ZNF148: variants seen among roughly 807,000 people sequenced by gnomAD.
ZNF148 encodes Beta-Enolase Repressor Factor-1.
ZNF148 carries 7 observed loss-of-function variants against 67.7 expected under a neutral mutation model. The observed-to-expected ratio is 0.10, with a 90% CI of 0.06 to 0.19. ZNF148 has a LOEUF of 0.19. Among genes scored for constraint, ZNF148 ranks in the 10% least tolerant of loss-of-function variants. The pLI, the probability that ZNF148 is intolerant of heterozygous loss-of-function variation, is 1.00. For synonymous variants in ZNF148, 333 were observed against 330.7 expected, an observed-to-expected ratio of 1.01 and a Z score of -0.08; for missense variants, 583 against 947.1, an observed-to-expected ratio of 0.62 and a Z score of 5.05.
At chr3:125,291,223 T>C (rs1938993451) in intron 4 of ZNF148, among the ~76,000 whole-genome samples, 1 of 152,114 alleles carries the variant, frequency 6.6e-6, no homozygotes. Flanking sequence ...CATACCAACC[T>C]CACTGACTTA....
At chr3:125,274,232 C>T (rs1253074134) in intron 7 of ZNF148, among the ~76,000 whole-genome samples, 1 of 152,180 alleles carries the variant, frequency 6.6e-6, no homozygotes, top group Non-Finnish European at 1.5e-5. Flanking sequence ...TGGCCCTAAA[C>T]AAAATGATCA....
At chr3:125,373,079 G>C (rs1942943306) in intron 1 of ZNF148, among the ~76,000 whole-genome samples, 1 of 151,992 alleles carries the variant, frequency 6.6e-6, no homozygotes, top group African/African-American at 2.4e-5. Context: ...CAGTGCTGGT[G>C]AGGGAAAAGG....
rs35838836 is a variant in ZNF148 at position 125,329,360 on chromosome 3, AT to A, written c.-153+1797del. Among the ~76,000 whole-genome samples the A allele has an allele frequency of 4.7e-3, 434 of 92,898 alleles. 6 individuals carry two copies. Among genetic ancestry groups the A allele is most frequent in the South Asian group, 0.046 (141 of 3,090 alleles). The allele number at this position is 92,898 out of a possible 152,430, so 60.9% of individuals were successfully genotyped here. A position where few individuals can be genotyped will look rare whatever the true frequency, so the allele number is the denominator to read the frequency against. On this transcript the variant is annotated intron_variant, in intron 2 of 8. Coordinates refer to ENST00000360647, the MANE Select transcript of ZNF148 (RefSeq NM_021964.3). Reference sequence around the variant, plus strand: ...ATATATAAAATTTTACATATATAAAATTTTTTTTTTTTTTTTTTAAAGACAG... The same window carrying A: ...ATATATAAAATTTTACATATATAAAATTTTTTTTTTTTTTTTTAAAGACAG...
At chr3:125,350,422 C>T (rs888278585) in intron 1 of ZNF148, among the ~76,000 whole-genome samples, 11 of 152,214 alleles carry the variant, frequency 7.2e-5, no homozygotes, top group African/African-American at 2.4e-4. Flanking sequence ...GCCTTGGCCT[C>T]GGCCTCCCCA....
intron 1 of ZNF148, among the ~76,000 whole-genome samples, chr3:125,350,161 G>GTTTT (rs551085074): frequency 0.79 from 119,563 of 151,476 alleles, 47,974 homozygotes; most frequent in African/African-American, 0.92. Context: ...ATGGGTTTTG[G>GTTTT]TTTTGTTTTG....
intron 7 of ZNF148, among the ~76,000 whole-genome samples, chr3:125,256,218 A>G (rs1047851322): frequency 2.6e-5 from 4 of 151,808 alleles, no homozygotes; most frequent in African/African-American, 4.8e-5. Context: ...AGAAAAAAAA[A>G]TTAGCCGGGC....
intron 7 of ZNF148, among the ~76,000 whole-genome samples, chr3:125,251,010 C>T (rs747344631): frequency 2.6e-5 from 4 of 152,198 alleles, no homozygotes; most frequent in African/African-American, 4.8e-5. Flanking sequence ...TTTATTTCGT[C>T]TAACCCTTCT....
In ZNF148 at chr3:125,299,563, T is replaced by C. The variant is rs555903799; in HGVS notation, c.334-11335A>G. 8.1e-4 allele frequency among the ~76,000 whole-genome samples: 123 copies of C among 152,300 alleles called. 1 individual carries two copies. The South Asian group carries it at 0.01, about 13-fold the overall frequency. On this transcript the variant is annotated intron_variant, in intron 4 of 8. Coordinates refer to ENST00000360647, the MANE Select transcript of ZNF148 (RefSeq NM_021964.3). ...AAAGAAATCTTCTACCAACAATTCA[T>C]GTCTACTTAAGGGGGAAAAAAAGGA...
At chr3:125,353,522 T>C (rs961055824) in intron 1 of ZNF148, among the ~76,000 whole-genome samples, 3 of 152,216 alleles carry the variant, frequency 2.0e-5, no homozygotes, top group Non-Finnish European at 4.4e-5. Context: ...GATGTCTTAC[T>C]AGAAATTTAT....
chr3:125,304,641 T>A (rs1252436239), intron 4 of ZNF148, among the ~76,000 whole-genome samples: 3 of 152,134 alleles, frequency 2.0e-5, no homozygotes, highest in African/African-American at 4.8e-5. Context: ...GAGGTAGCAG[T>A]AGGAACTCAT....
At chr3:125,318,830 C>A (rs1206618315) in intron 3 of ZNF148, among the ~76,000 whole-genome samples, 1 of 152,188 alleles carries the variant, frequency 6.6e-6, no homozygotes, top group African/African-American at 2.4e-5. Context: ...AGGCCAATTT[C>A]TCCTAAATCT....
chr3:125,269,654 C>A (rs943540020), intron 7 of ZNF148, among the ~76,000 whole-genome samples: 2 of 152,150 alleles, frequency 1.3e-5, no homozygotes, highest in Non-Finnish European at 2.9e-5. Flanking sequence ...CACATGCACT[C>A]ATACGTTTAT....
At chr3:125,314,226 T>C (rs1319874374) in intron 3 of ZNF148, among the ~76,000 whole-genome samples, 1 of 152,122 alleles carries the variant, frequency 6.6e-6, no homozygotes, top group Non-Finnish European at 1.5e-5. Flanking sequence ...ATAATAAAAG[T>C]ATGTATTAGA....
At chr3:125,254,454 C>T (rs9858524) in intron 7 of ZNF148, among the ~76,000 whole-genome samples, 120,152 of 152,166 alleles carry the variant, frequency 0.79, 48,251 homozygotes, top group African/African-American at 0.92. Context: ...TCTTGTACTA[C>T]TGATTATTGA....
At chr3:125,268,983 G>C (rs936163892) in intron 7 of ZNF148, among the ~76,000 whole-genome samples, 1 of 152,030 alleles carries the variant, frequency 6.6e-6, no homozygotes, top group African/African-American at 2.4e-5. Context: ...CTGTAAGGCA[G>C]TTAAATCAAC....
chr3:125,233,310 C>T lies in ZNF148; in HGVS notation c.1416G>A (p.Lys472=). The part of the protein sequence containing the change: ...TNYDDAMQFL[K]KKRYLQAASN... ...TTGCTGCTTGAAGATACCGCTTCTTCTTCAAAAACTGCATGGCATCATCAT... is the reference window on the plus strand; with the variant it reads ...TTGCTGCTTGAAGATACCGCTTCTTTTTCAAAAACTGCATGGCATCATCAT... Residue 472 remains lysine, a synonymous_variant, in exon 9 of 9, where the codon AAG becomes AAA. Transcript: ENST00000360647. The surrounding 1 kb of genome is among the most constrained non-coding windows in gnomAD (Gnocchi z 5.1). The T allele has an allele frequency of 2.5e-6, 4 of 1,613,932 alleles. No individual in the cohort carries two copies. Among genetic ancestry groups the T allele is most frequent in the Non-Finnish European group, 3.4e-6 (4 of 1,179,912 alleles).
chr3:125,287,954 C>G, intron 5 of ZNF148, 149 bp downstream of exon 5: 1 of 1,057,970 alleles, frequency 9.5e-7, no homozygotes, highest in Non-Finnish European at 1.4e-6. Context: ...AAGCAAGGCC[C>G]ACCACCTCCA....
chr3:125,348,550 G>A (rs1942030494), intron 1 of ZNF148, among the ~76,000 whole-genome samples: 1 of 148,300 alleles, frequency 6.7e-6, no homozygotes, highest in Non-Finnish European at 1.5e-5. Flanking sequence ...CTTAACTAAG[G>A]AGGCAAAGAC....
At chr3:125,247,020 G>A (rs1161338590) in intron 7 of ZNF148, among the ~76,000 whole-genome samples, 2 of 152,178 alleles carry the variant, frequency 1.3e-5, no homozygotes, top group African/African-American at 4.8e-5. Flanking sequence ...CAATGAAGTA[G>A]AATATAAAAA....
Sources: allele counts gnomAD v4.1 joint callset (sites outside exome capture counted in the v4.1 genomes callset), GRCh38; gene constraint gnomAD v4.1.1; non-coding constraint Gnocchi (gnomAD v3.1); transcripts MANE v1.5; gene names NCBI Gene and HGNC (gene_info 2026-07-23, HGNC 2026-07-21).